Variants in GRHL2 observed in about 807,000 individuals in gnomAD.
GRHL2 encodes the protein grainyhead-like protein 2 homolog.
GRHL2 carries 21 observed loss-of-function variants against 83.8 expected under a neutral mutation model. That is an observed-to-expected ratio of 0.25 (90% CI 0.18 to 0.36). GRHL2 has a LOEUF of 0.36. GRHL2 is among the 10% of genes least tolerant of loss of function. The probability of loss-of-function intolerance (pLI) is 1.00; values close to 1 mark genes in which losing one functional copy is unlikely to be tolerated. For synonymous variants in GRHL2, 280 were observed against 278.9 expected (o/e 1.00, Z -0.04); for missense variants, 623 against 781.8 (o/e 0.80, Z 2.42).
At chr8:101,587,793 A>G (rs1812198386) in intron 7 of GRHL2, among the ~76,000 whole-genome samples, 1 of 152,230 alleles carries the variant, frequency 6.6e-6, no homozygotes, top group Admixed American at 6.5e-5. Flanking sequence ...CATATGTTTC[A>G]TGAACAAAAC....
At chr8:101,607,410 T>C (rs1184912266) in intron 8 of GRHL2, among the ~76,000 whole-genome samples, 1 of 152,220 alleles carries the variant, frequency 6.6e-6, no homozygotes. Context: ...ACCTTGCTTA[T>C]TCCACAGCCT....
chr8:101,666,416 G>A (rs1176118240), intron 15 of GRHL2, among the ~76,000 whole-genome samples, 173 bp from the exon 16 acceptor site: 3 of 152,028 alleles, frequency 2.0e-5, no homozygotes, highest in Non-Finnish European at 4.4e-5. Flanking sequence ...TAGTTTTTGG[G>A]CAAAGAAAAC....
chr8:101,560,993 A>G (rs1047784149), intron 4 of GRHL2, among the ~76,000 whole-genome samples: 1 of 147,498 alleles, frequency 6.8e-6, no homozygotes, highest in African/African-American at 2.4e-5. Context: ...GATTAAGTCT[A>G]CTTTATTAAT....
intron 7 of GRHL2, among the ~76,000 whole-genome samples, chr8:101,593,670 T>G (rs927817036): frequency 2.6e-5 from 4 of 152,040 alleles, no homozygotes; most frequent in African/African-American, 9.7e-5. Context: ...AAATATGACC[T>G]TATTTCAGAA....
intron 8 of GRHL2, among the ~76,000 whole-genome samples, chr8:101,607,707 A>AT (rs1466902460): frequency 2.0e-5 from 3 of 152,128 alleles, no homozygotes; most frequent in Non-Finnish European, 4.4e-5. Flanking sequence ...GGCAAATGGC[A>AT]TTTTTTTATG....
At chr8:101,553,986 G>A (rs1026305899) in intron 3 of GRHL2, among the ~76,000 whole-genome samples, 1 of 152,158 alleles carries the variant, frequency 6.6e-6, no homozygotes, top group African/African-American at 2.4e-5. Context: ...GCAGTGGGAT[G>A]GAGAGAAGCC....
At chr8:101,528,999 TC>T in intron 1 of GRHL2, 1 of 374,562 alleles carries the variant, frequency 2.7e-6, no homozygotes, top group Non-Finnish European at 5.3e-6. Context: ...GCATTCTCTC[TC>T]CCTGTGGTAT....
intron 12 of GRHL2, among the ~76,000 whole-genome samples, chr8:101,641,457 T>C (rs1456644654): frequency 3.9e-5 from 6 of 152,140 alleles, no homozygotes; most frequent in African/African-American, 1.4e-4. Context: ...ACCTCCTCAG[T>C]AGGCAAACAA....
intron 11 of GRHL2, among the ~76,000 whole-genome samples, chr8:101,633,893 A>G (rs775255540): frequency 3.3e-5 from 5 of 152,150 alleles, no homozygotes; most frequent in Non-Finnish European, 7.4e-5. Flanking sequence ...CCTCAGTTCC[A>G]TGTCAAAGCT....
intron 1 of GRHL2, among the ~76,000 whole-genome samples, chr8:101,509,209 T>TTGTGTG (rs59898617): frequency 0.14 from 7,086 of 50,346 alleles, 638 homozygotes; most frequent in Non-Finnish European, 0.25. Flanking sequence ...TTCTTTCTTC[T>TTGTGTG]TGTGTGTGTG....
intron 3 of GRHL2, among the ~76,000 whole-genome samples, chr8:101,556,888 CT>C (rs1243476556): frequency 1.3e-5 from 2 of 152,102 alleles, no homozygotes; most frequent in African/African-American, 4.8e-5. Context: ...CCTCCTCCTG[CT>C]TTTTTCTTTT....
intron 8 of GRHL2, among the ~76,000 whole-genome samples, chr8:101,600,890 G>A (rs1812495454): frequency 6.6e-6 from 1 of 152,202 alleles, no homozygotes; most frequent in African/African-American, 2.4e-5. Context: ...AGGCATGGTG[G>A]CCGATGCCTG....
At chr8:101,642,351 G>A (rs966565760) in intron 12 of GRHL2, among the ~76,000 whole-genome samples, 2 of 152,212 alleles carry the variant, frequency 1.3e-5, no homozygotes, top group African/African-American at 2.4e-5. Context: ...TCAAAAGTCA[G>A]CAGAACTGGA....
At chr8:101,608,883 A>T (rs1430351148) in intron 8 of GRHL2, among the ~76,000 whole-genome samples, 1 of 150,144 alleles carries the variant, frequency 6.7e-6, no homozygotes. Flanking sequence ...CTTCAGGGTC[A>T]GGTGGACTTA....
At chr8:101,604,355 G>C (rs993746371) in intron 8 of GRHL2, among the ~76,000 whole-genome samples, 1 of 152,108 alleles carries the variant, frequency 6.6e-6, no homozygotes. Flanking sequence ...ATCACCCCCA[G>C]AGCAGAGTGC....
chr8:101,656,248 T>A lies in GRHL2; in HGVS notation c.1698+6749T>A, dbSNP rs892527053. ...TTCCCAGAGCCTTCAGCATAAGTTT[T>A]GTTGACTGAATTGGGCATCTGCTGT... On this transcript the variant is annotated intron_variant, in intron 14 of 15. Transcript: ENST00000646743. 2.0e-4 allele frequency among the ~76,000 whole-genome samples: 31 copies of A among 152,244 alleles called. 1 individual carries two copies. Among genetic ancestry groups the A allele is most frequent in the Admixed American group, 1.8e-3 (28 of 15,284 alleles).
chr8:101,585,752 C>G (rs1050458306), intron 7 of GRHL2, among the ~76,000 whole-genome samples: 2 of 152,210 alleles, frequency 1.3e-5, no homozygotes, highest in Non-Finnish European at 2.9e-5. Flanking sequence ...TAACTTAAAA[C>G]ACTGTAAATG....
At chr8:101,530,006 C>A (rs999012892) in intron 1 of GRHL2, among the ~76,000 whole-genome samples, 2 of 152,150 alleles carry the variant, frequency 1.3e-5, no homozygotes. Context: ...CTCTCTCTGG[C>A]CCTAGGAACC....
the GRHL2 span, among the ~76,000 whole-genome samples, chr8:101,679,578 C>G: frequency 1.9e-4 from 29 of 150,474 alleles, 7 homozygotes; most frequent in African/African-American, 6.6e-4. Context: ...CAGAGAACGT[C>G]ACAAAGATAC....
Sources: gnomAD v4.1 joint callset for allele counts (sites outside exome capture counted in the v4.1 genomes callset) on GRCh38, gnomAD v4.1.1 for gene constraint, MANE v1.5 for transcripts, NCBI Gene and HGNC (gene_info 2026-07-23, HGNC 2026-07-21) for gene names.